The following COL12A1 variants were observed in gnomAD, a reference collection of about 807,000 sequenced individuals.
COL12A1 encodes the protein collagen type XII alpha 1 chain.
In COL12A1, 114 loss-of-function variants were observed where a neutral mutation model predicts 349.7. The observed-to-expected ratio is 0.33, with a 90% confidence interval of 0.28 to 0.38. COL12A1 has a LOEUF of 0.38. Ranked by LOEUF, COL12A1 falls within the 10% of genes least tolerant of loss-of-function variation. The pLI is 1.00. For synonymous variants in COL12A1, 1,369 were observed against 1,329.0 expected, an observed-to-expected ratio of 1.03 and a Z score of -0.66; for missense variants, 3,284 against 3,756.9, an observed-to-expected ratio of 0.87 and a Z score of 3.29.
chr6:75,150,416 C>A (rs1687183227), intron 21 of COL12A1, among the ~76,000 whole-genome samples: 1 of 152,068 alleles, frequency 6.6e-6, no homozygotes, highest in African/African-American at 2.4e-5. Flanking sequence ...ACATTTGACC[C>A]AGACCAAGTA....
rs534898465 is a variant in COL12A1 at position 75,113,737 on chromosome 6, G to T, written c.7705C>A (p.His2569Asn). ...TATGAAGGAGGGAGTCCATTTGGGT[G>T]TAGGTCTCTGTTGGATAAAACAAAA... ...AFVNQPTADL[H>N]PNGLPPSYTI... Residue 2569 changes from histidine to asparagine, a missense_variant, in exon 50 of 66, where the codon CAC becomes AAC. His to Asn is a moderately conservative substitution (Grantham distance 68). Transcript: ENST00000322507. The T allele has an allele frequency of 6.3e-7, 1 of 1,587,022 alleles. No homozygotes were observed. Among genetic ancestry groups the T allele is most frequent in the East Asian group, 2.2e-5 (1 of 44,588 alleles).
intron 13 of COL12A1, among the ~76,000 whole-genome samples, chr6:75,169,794 C>T (rs1459012353): frequency 6.6e-6 from 1 of 152,178 alleles, no homozygotes; most frequent in Non-Finnish European, 1.5e-5. Flanking sequence ...TTTTCCCTTA[C>T]ACTTTATTCT....
chr6:75,116,615 C>T (rs1294139488), intron 47 of COL12A1, among the ~76,000 whole-genome samples: 5 of 152,094 alleles, frequency 3.3e-5, no homozygotes, highest in African/African-American at 1.2e-4. Context: ...AGCTCCACTC[C>T]GAACTTCAGC....
At position 75,181,222 on chromosome 6, in the gene COL12A1, A is replaced by AC; in HGVS notation, c.1892-12_1892-11insG. On this transcript the variant is annotated splice_polypyrimidine_tract_variant and intron_variant, in intron 10 of 65. Transcript: ENST00000322507. Reference sequence around the variant, plus strand: ...TTGGAGGGACGTAAGCTATTTAAAAAAAAAAAAAGACAGTTAAAAATGCTT... The same window carrying AC: ...TTGGAGGGACGTAAGCTATTTAAAAACAAAAAAAAGACAGTTAAAAATGCTT... 6.3e-7 allele frequency: 1 copy of AC among 1,576,508 alleles called. No individual in the cohort carries two copies. The highest frequency in any genetic ancestry group is 2.2e-5 in the East Asian group (1 of 44,642).
intron 56 of COL12A1, among the ~76,000 whole-genome samples, chr6:75,102,284 A>T (rs1768339842): frequency 6.6e-6 from 1 of 152,218 alleles, no homozygotes; most frequent in Non-Finnish European, 1.5e-5. Flanking sequence ...GTTATGGGGT[A>T]ATTTTATATA....
intron 34 of COL12A1, among the ~76,000 whole-genome samples, chr6:75,132,405 T>C (rs1766351560): frequency 6.6e-6 from 1 of 152,240 alleles, no homozygotes; most frequent in African/African-American, 2.4e-5. Context: ...CTAACATAAG[T>C]AATGGAGAGA....
Position 75,105,296 on chromosome 6 carries a change from A to G in COL12A1, c.8179-4T>C. ...CAGGGCATTTTCCCTCATCTCTCTG[A>G]AATTTTGAAAAGAATATTTACCTTT... On this transcript the variant is annotated splice_region_variant and splice_polypyrimidine_tract_variant and intron_variant, in intron 53 of 65. Coordinates refer to ENST00000322507, the MANE Select transcript of COL12A1 (RefSeq NM_004370.6). The G allele has an allele frequency of 1.2e-6, 2 of 1,612,036 alleles. No homozygotes were observed. Among genetic ancestry groups the G allele is most frequent in the South Asian group, 2.2e-5 (2 of 90,890 alleles).
rs1768488488 is a variant in COL12A1, at chr6:75,105,208, C to CA, written c.8262dup (p.Ala2755CysfsTer7). On this transcript the variant is annotated frameshift_variant, in exon 54 of 66. Coordinates refer to ENST00000322507, the MANE Select transcript of COL12A1 (RefSeq NM_004370.6). LOFTEE classifies it high-confidence loss of function. Reference sequence around the variant, plus strand: ...AGGATCTATTTCAATTTCCTTACTGCAGGGCCTGGAGGTCCTGGAGGTCCA... The same window carrying CA: ...AGGATCTATTTCAATTTCCTTACTGCAAGGGCCTGGAGGTCCTGGAGGTCCA... The CA allele has an allele frequency of 6.2e-7, 1 of 1,611,952 alleles. No homozygotes were observed. Among genetic ancestry groups the CA allele is most frequent in the Non-Finnish European group, 8.5e-7 (1 of 1,179,020 alleles).
chr6:75,165,596 A>G lies in COL12A1; in HGVS notation c.2894T>C (p.Leu965Pro). Reference sequence around the variant, plus strand: ...AATTCTGTATTTGGTCTCTGGCTGCAGATTTTCTATCATCGTATGAATTGC... The same window carrying G: ...AATTCTGTATTTGGTCTCTGGCTGCGGATTTTCTATCATCGTATGAATTGC... ...EDAIHTMIEN[L>P]QPETKYRISV... Residue 965 changes from leucine to proline, a missense_variant, in exon 14 of 66, where the codon CTG (leucine) becomes CCG (proline). Around this residue, in one of 2 missense-constraint regions of COL12A1, gnomAD observed 2,601 missense variants for 2,824.8 expected, o/e 0.92. Coordinates refer to ENST00000322507, the MANE Select transcript of COL12A1 (RefSeq NM_004370.6). 1 of 1,614,030 alleles carries G rather than the reference A, an allele frequency of 6.2e-7. No homozygotes were observed. The highest frequency in any genetic ancestry group is 8.5e-7 in the Non-Finnish European group (1 of 1,179,926).
At chr6:75,148,951 G>A (rs566014964) in intron 21 of COL12A1, among the ~76,000 whole-genome samples, 6 of 152,224 alleles carry the variant, frequency 3.9e-5, no homozygotes, top group Admixed American at 6.5e-5. Flanking sequence ...AATGTCTCAC[G>A]AGGTCTAATG....
rs1055080261 is a variant in COL12A1, at chr6:75,121,323, T to C, written c.7065A>G (p.Glu2355=). 6.2e-6 allele frequency: 10 copies of C among 1,608,538 alleles called. No homozygotes were observed. The highest frequency in any genetic ancestry group is 8.5e-6 in the Non-Finnish European group (10 of 1,176,252). The part of the protein sequence containing the change: ...FIFNTVGGFD[E]ISPAGIQVSF... ...TAACCTGAATCCCAGCAGGACTGATTTCATCAAAGCCTCCCACAGTATTGA... is the reference window on the plus strand; with the variant it reads ...TAACCTGAATCCCAGCAGGACTGATCTCATCAAAGCCTCCCACAGTATTGA... Residue 2355 remains glutamate (E), a synonymous_variant, in exon 44 of 66, where the codon GAA becomes GAG. Coordinates refer to ENST00000322507, the MANE Select transcript of COL12A1 (RefSeq NM_004370.6).
rs1582137772 is a variant in COL12A1, at chr6:75,151,232, A to G, written c.4056T>C (p.Asp1352=). 2.5e-6 allele frequency: 4 copies of G among 1,613,424 alleles called. No homozygotes were observed. The highest frequency in any genetic ancestry group is 1.7e-5 in the Admixed American group (1 of 59,986). ...AATCTGCCACATTGTATGCATGGGTATCATCAGGATCAGTTGCAATCATCT... is the reference window on the plus strand; with the variant it reads ...AATCTGCCACATTGTATGCATGGGTGTCATCAGGATCAGTTGCAATCATCT... ...ELKMIATDPD[D]THAYNVADFE... The change falls in exon 21 of 66, where the codon GAT becomes GAC. Residue 1352 remains aspartate (D), a synonymous_variant. Coordinates refer to ENST00000322507, the MANE Select transcript of COL12A1 (RefSeq NM_004370.6).
At chr6:75,118,920 A>G in intron 46 of COL12A1, 123 bp downstream of exon 46, 1 of 1,295,766 alleles carries the variant, frequency 7.7e-7, no homozygotes, top group Non-Finnish European at 1.1e-6. Context: ...TTACGAAGGT[A>G]TACCGTGCAG....
chr6:75,105,253 T>C lies in COL12A1; in HGVS notation c.8218A>G (p.Thr2740Ala). ...GGTCCAACGCTGTCCTGTGTACATG[T>C]GCAAGAATTTGGAAAAGCAGGGCAT... Reference protein sequence around the residue: ...GKCPAFPNSCTCTQDSVGPPG... With the variant: ...GKCPAFPNSCACTQDSVGPPG... Residue 2740 changes from threonine to alanine, a missense_variant, in exon 54 of 66, where the codon ACA becomes GCA. By Grantham distance (58) the Thr-to-Ala change is moderately conservative. This residue lies in a region of COL12A1 where 683 missense variants were observed against 932.1 expected (regional missense o/e 0.73). Transcript: ENST00000322507. 4 of 1,613,874 alleles carry C rather than the reference T, an allele frequency of 2.5e-6. No homozygotes were observed. Among genetic ancestry groups the C allele is most frequent in the Non-Finnish European group, 3.4e-6 (4 of 1,179,882 alleles).
At chr6:75,124,619 A>G (rs1765924215) in intron 40 of COL12A1, among the ~76,000 whole-genome samples, 5 of 152,192 alleles carry the variant, frequency 3.3e-5, no homozygotes, top group Admixed American at 3.3e-4. Context: ...TAAGAATTTC[A>G]AAAACATCTC....
intron 14 of COL12A1, among the ~76,000 whole-genome samples, chr6:75,160,876 AC>A (rs1767993078): frequency 1.3e-5 from 2 of 152,202 alleles, no homozygotes; most frequent in African/African-American, 4.8e-5. Flanking sequence ...GATCACAAAA[AC>A]ATCACCAAAC....
At chr6:75,137,007 T>C (rs1057114532) in intron 31 of COL12A1, among the ~76,000 whole-genome samples, 2 of 152,076 alleles carry the variant, frequency 1.3e-5, no homozygotes, top group Admixed American at 6.5e-5. Context: ...CCCTATGACA[T>C]GCAAAAAACA....
intron 1 of COL12A1, among the ~76,000 whole-genome samples, chr6:75,205,153 G>A (rs1344217298): frequency 1.3e-5 from 2 of 151,014 alleles, no homozygotes; most frequent in Admixed American, 6.6e-5. Flanking sequence ...GTCGGAGAGG[G>A]GACTTTCTCC....
intron 39 of COL12A1, among the ~76,000 whole-genome samples, chr6:75,125,768 C>T (rs1318549098): frequency 6.6e-6 from 1 of 152,018 alleles, no homozygotes; most frequent in Non-Finnish European, 1.5e-5. Flanking sequence ...CTTTATCTTG[C>T]CATCTCTCTT....
Sources: gnomAD v4.1 joint callset for allele counts (sites outside exome capture counted in the v4.1 genomes callset) on GRCh38, gnomAD v4.1.1 for gene constraint, gnomAD v4.1.1 regional missense constraint, MANE v1.5 for transcripts, NCBI Gene and HGNC (gene_info 2026-07-23, HGNC 2026-07-21) for gene names.